NCR2: variants seen among roughly 807,000 people sequenced by gnomAD.
The protein encoded by NCR2 is NK cell activating receptor (NKp44).
A neutral mutation model predicts 30.7 loss-of-function variants in NCR2; 35 were observed. The observed-to-expected ratio is 1.14, with a 90% confidence interval of 0.87 to 1.51. The LOEUF (loss-of-function observed/expected upper bound fraction) is 1.51, where lower values mean the gene tolerates loss of function less well. Among genes scored for constraint, NCR2 ranks in the 40% most tolerant of loss-of-function variants. The pLI, the probability that NCR2 is intolerant of heterozygous loss-of-function variation, is 0.00. For synonymous variants in NCR2, 146 were observed against 134.8 expected (o/e 1.08, Z -0.58); for missense variants, 316 against 328.9 (o/e 0.96, Z 0.30).
chr6:41,350,575 C>G (rs1769401175), intron 4 of NCR2, 103 bp from the exon 5 acceptor site: 11 of 1,039,692 alleles, frequency 1.1e-5, no homozygotes, highest in East Asian at 2.4e-5. Context: ...GGTATGGCAA[C>G]CAACCCTGCG....
rs369545238 is a variant in NCR2 at position 41,343,774 on chromosome 6, C to G, written c.644+1625C>G. Among the ~76,000 whole-genome samples the G allele has an allele frequency of 7.9e-5, 12 of 151,406 alleles. No individual in the cohort carries two copies. In the East Asian group the frequency reaches 2.3e-3, roughly 30 times the overall value. ...GTTCAGGGATTTGGCTGTTACCTCTCTCTCCTAATTTCTCGGAAGGTGAGA... is the reference window on the plus strand; with the variant it reads ...GTTCAGGGATTTGGCTGTTACCTCTGTCTCCTAATTTCTCGGAAGGTGAGA... On this transcript the variant is annotated intron_variant, in intron 4 of 4. Coordinates refer to ENST00000373089, the MANE Select transcript of NCR2 (RefSeq NM_004828.4).
In NCR2 at chr6:41,336,215, C is replaced by T. The variant is rs1769021149; in HGVS notation, c.181C>T (p.Leu61Phe). 1 of 1,614,178 alleles carries T rather than the reference C, an allele frequency of 6.2e-7. No homozygotes were observed. Among genetic ancestry groups the T allele is most frequent in the South Asian group, 1.1e-5 (1 of 91,084 alleles). Residue 61 changes from leucine to phenylalanine, a missense_variant, in exon 2 of 5, where the codon CTT becomes TTT. Leu to Phe is a conservative substitution (Grantham distance 22, BLOSUM62 0). Coordinates refer to ENST00000373089, the MANE Select transcript of NCR2 (RefSeq NM_004828.4). ...KKGWCKEASALVCIRLVTSSK... is the reference protein window; with the variant it reads ...KKGWCKEASAFVCIRLVTSSK... ...AGGCTGGTGTAAGGAGGCTTCAGCA[C>T]TTGTGTGCATCAGGTTAGTCACCAG... is the stretch of plus-strand genomic sequence containing the variant.
chr6:41,337,882 A>C (rs1769074806), intron 2 of NCR2, among the ~76,000 whole-genome samples: 1 of 152,210 alleles, frequency 6.6e-6, no homozygotes, highest in Non-Finnish European at 1.5e-5. Context: ...TAGATCTATG[A>C]ATTTCCTCTG....
At chr6:41,342,967 C>G in intron 4 of NCR2, 1 of 1,550,584 alleles carries the variant, frequency 6.4e-7, no homozygotes, top group African/African-American at 1.4e-5. Context: ...TCTGCTGCAC[C>G]CAGCTCAGCC....
Position 41,341,824 on chromosome 6 carries a change from C to G in NCR2, c.425C>G (p.Pro142Arg). ...ASASTQTSWT[P>R]RDLVSSQTQT... ...GCCTCCACACAGACCTCCTGGACTC[C>G]CCGCGACCTGGTCTCTTCACAGACC... Residue 142 changes from proline (P) to arginine (R), a missense_variant, in exon 3 of 5, where the codon CCC (proline) becomes CGC (arginine). Physicochemically the swap from Pro to Arg is moderately radical, Grantham distance 103. Transcript: ENST00000373089. The G allele has an allele frequency of 6.2e-7, 1 of 1,612,718 alleles. No homozygotes were observed.
chr6:41,350,276 G>T (rs1258045974), intron 4 of NCR2, among the ~76,000 whole-genome samples: 2 of 152,180 alleles, frequency 1.3e-5, no homozygotes, highest in Non-Finnish European at 2.9e-5. Flanking sequence ...CAAAGGCTGA[G>T]TTTTAGAGGG....
rs200811278 is a variant in NCR2, at chr6:41,335,846, C to T, written c.-31C>T. On this transcript the variant is annotated 5_prime_UTR_variant, in exon 1 of 5. Transcript: ENST00000373089. ...CTCTCCCCAGTCTTCTCCAGGTGTC[C>T]CCTCCCATGAGCGCACAGGAAAAGG... is the stretch of plus-strand genomic sequence containing the variant. The T allele has an allele frequency of 6.4e-7, 1 of 1,556,848 alleles. No individual in the cohort carries two copies. Among genetic ancestry groups the T allele is most frequent in the Non-Finnish European group, 8.7e-7 (1 of 1,149,334 alleles).
intron 4 of NCR2, among the ~76,000 whole-genome samples, chr6:41,345,620 GACTCCAGTACA>G (rs1769281699): frequency 1.3e-5 from 2 of 151,972 alleles, no homozygotes; most frequent in Non-Finnish European, 2.9e-5. Context: ...TCAGCACTCA[GACTCCAGTACA>G]GCCTCTTGGT....
At chr6:41,347,128 T>C (rs1227191801) in intron 4 of NCR2, among the ~76,000 whole-genome samples, 3 of 152,096 alleles carry the variant, frequency 2.0e-5, no homozygotes, top group Non-Finnish European at 4.4e-5. Flanking sequence ...GGCAGGAGGA[T>C]TGCTTGAGCC....
intron 4 of NCR2, among the ~76,000 whole-genome samples, chr6:41,348,252 C>T (rs543491556): frequency 1.7e-3 from 253 of 152,258 alleles, no homozygotes; most frequent in African/African-American, 5.9e-3. Flanking sequence ...CCCATTATGG[C>T]GTCAGGATGA....
At chr6:41,345,092 T>C (rs1172716987) in intron 4 of NCR2, among the ~76,000 whole-genome samples, 1 of 151,974 alleles carries the variant, frequency 6.6e-6, no homozygotes, top group Non-Finnish European at 1.5e-5. Context: ...GTCACCCTCA[T>C]CAGAGACTTA....
At chr6:41,346,668 C>T (rs140930106) in intron 4 of NCR2, among the ~76,000 whole-genome samples, 23 of 152,280 alleles carry the variant, frequency 1.5e-4, no homozygotes, top group Middle Eastern at 3.4e-3. Flanking sequence ...AATCTATCAT[C>T]CCGAAATGTC....
rs1332624467 is a variant in NCR2 at position 41,337,171 on chromosome 6, A to AT, written c.394+751dup. Reference sequence around the variant, plus strand: ...AAAAAATCTGCAATTCACATGAGTAATTTTTTTTGTAAAATACAGTAAAAA... The same window carrying AT: ...AAAAAATCTGCAATTCACATGAGTAATTTTTTTTTGTAAAATACAGTAAAAA... On this transcript the variant is annotated intron_variant, in intron 2 of 4. Coordinates refer to ENST00000373089, the MANE Select transcript of NCR2 (RefSeq NM_004828.4). 2.6e-5 allele frequency among the ~76,000 whole-genome samples: 4 copies of AT among 152,200 alleles called. No individual in the cohort carries two copies. In the East Asian group the frequency reaches 5.8e-4, roughly 22 times the overall value.
chr6:41,339,263 T>G (rs923946696), intron 2 of NCR2, among the ~76,000 whole-genome samples: 1 of 152,018 alleles, frequency 6.6e-6, no homozygotes, highest in African/African-American at 2.4e-5. Flanking sequence ...GGTTTCACCA[T>G]ATTGGTCAGC....
intron 2 of NCR2, among the ~76,000 whole-genome samples, chr6:41,339,841 C>A (rs1769127506): frequency 1.3e-5 from 2 of 152,196 alleles, no homozygotes; most frequent in African/African-American, 2.4e-5. Flanking sequence ...AAAACCAGCA[C>A]AAACTCTTTG....
In NCR2 at chr6:41,342,109, G is replaced by C; in HGVS notation, c.604G>C (p.Val202Leu). The change falls in exon 4 of 5, where the codon GTA becomes CTA. Residue 202 changes from valine to leucine, a missense_variant. Physicochemically the swap from Val to Leu is conservative, Grantham distance 32 (BLOSUM62 1). Coordinates refer to ENST00000373089, the MANE Select transcript of NCR2 (RefSeq NM_004828.4). ...GGTGCCTGTGTTCTGTGGACTCCTCGTAGCCAAGAGCCTGGTGCTGTCAGC... is the reference window on the plus strand; with the variant it reads ...GGTGCCTGTGTTCTGTGGACTCCTCCTAGCCAAGAGCCTGGTGCTGTCAGC... ...ALVPVFCGLL[V>L]AKSLVLSALL... 2 of 1,613,532 alleles carry C rather than the reference G, an allele frequency of 1.2e-6. No homozygotes were observed. The highest frequency in any genetic ancestry group is 1.3e-5 in the African/African-American group (1 of 75,016).
In NCR2 at chr6:41,335,744, A is replaced by C; in HGVS notation, c.-133A>C. 1 of 1,026,336 alleles carries C rather than the reference A, an allele frequency of 9.7e-7. No homozygotes were observed. The highest frequency in any genetic ancestry group is 1.5e-6 in the Non-Finnish European group (1 of 672,148). The allele number at this position is 1,026,336 out of a possible 1,614,324, so 63.6% of individuals were successfully genotyped here. ...CCCTTTGCAGTCTCCCATCTCCCCA[A>C]CCCAGGCCTCAGCCTGTCTCATTTT... On this transcript the variant is annotated 5_prime_UTR_variant, in exon 1 of 5. Coordinates refer to ENST00000373089, the MANE Select transcript of NCR2 (RefSeq NM_004828.4).
chr6:41,342,799 G>A (rs878920170), intron 4 of NCR2: 1 of 803,022 alleles, frequency 1.2e-6, no homozygotes, highest in Non-Finnish European at 2.1e-6. Context: ...AGTGAAAGGT[G>A]CAGGGACAAC....
chr6:41,350,708 G>C lies in NCR2; in HGVS notation c.675G>C (p.Glu225Asp), dbSNP rs371979973. The part of the protein sequence containing the change: ...WGDIWWKTMM[E>D]LRSLDTQKAT... ...ACATATGGTGGAAAACCATGATGGAGCTCAGGAGCCTGGATACCCAAAAAG... is the reference window on the plus strand; with the variant it reads ...ACATATGGTGGAAAACCATGATGGACCTCAGGAGCCTGGATACCCAAAAAG... The change falls in exon 5 of 5, where the codon GAG becomes GAC. Residue 225 changes from glutamate to aspartate, a missense_variant. By Grantham distance (45) the Glu-to-Asp change is conservative. Transcript: ENST00000373089. 1.9e-6 allele frequency: 3 copies of C among 1,613,986 alleles called. No individual in the cohort carries two copies. The highest frequency in any genetic ancestry group is 8.5e-7 in the Non-Finnish European group (1 of 1,179,942).
Sources: allele counts gnomAD v4.1 joint callset (sites outside exome capture counted in the v4.1 genomes callset), GRCh38; gene constraint gnomAD v4.1.1; transcripts MANE v1.5; gene names NCBI Gene and HGNC (gene_info 2026-07-23, HGNC 2026-07-21).